CASR: variants seen among roughly 807,000 people sequenced by gnomAD.
The protein encoded by CASR is extracellular calcium-sensing receptor.
In CASR, 23 loss-of-function variants were observed where a neutral mutation model predicts 69.1. That is an observed-to-expected ratio of 0.33 (90% CI 0.24 to 0.47). The LOEUF is 0.47. Among genes scored for constraint, CASR ranks in the 20% least tolerant of loss-of-function variants. The pLI, the probability that CASR is intolerant of heterozygous loss-of-function variation, is 1.00. For synonymous variants in CASR, 541 were observed against 544.7 expected (o/e 0.99, Z 0.10); for missense variants, 924 against 1,356.1 (o/e 0.68, Z 5.00).
At chr3:122,212,059 T>C (rs761181634) in intron 1 of CASR, among the ~76,000 whole-genome samples, 2 of 152,214 alleles carry the variant, frequency 1.3e-5, no homozygotes, top group Non-Finnish European at 2.9e-5. Flanking sequence ...CATTACTGAG[T>C]ATATACCCAA....
intron 1 of CASR, among the ~76,000 whole-genome samples, chr3:122,235,999 T>C (rs2107611511): frequency 6.6e-6 from 1 of 152,342 alleles, no homozygotes; most frequent in South Asian, 2.1e-4. Flanking sequence ...TTCGTGTTTC[T>C]AACAAGTTCC....
chr3:122,227,568 TC>T (rs199781063), intron 1 of CASR, among the ~76,000 whole-genome samples: 1,523 of 152,100 alleles, frequency 0.01, 21 homozygotes, highest in African/African-American at 0.035. Flanking sequence ...CCTCCACACC[TC>T]CCTGCGAGCT....
At chr3:122,205,287 C>T (rs757736772) in intron 1 of CASR, among the ~76,000 whole-genome samples, 2 of 152,106 alleles carry the variant, frequency 1.3e-5, no homozygotes, top group Non-Finnish European at 2.9e-5. Flanking sequence ...CATTCTTCTG[C>T]ATATGGGAAG....
chr3:122,226,010 A>G (rs112430304), intron 1 of CASR, among the ~76,000 whole-genome samples: 24,875 of 152,196 alleles, frequency 0.16, 2,113 homozygotes, highest in Non-Finnish European at 0.18. Flanking sequence ...ACTGATAAGC[A>G]GGAGCTAAAC....
intron 1 of CASR, among the ~76,000 whole-genome samples, chr3:122,233,240 C>T (rs926722022): frequency 2.6e-5 from 4 of 152,218 alleles, no homozygotes; most frequent in African/African-American, 7.2e-5. Context: ...AACACCCTGT[C>T]GGTGAGACAC....
chr3:122,214,413 A>C (rs2074096934), intron 1 of CASR, among the ~76,000 whole-genome samples: 1 of 152,182 alleles, frequency 6.6e-6, no homozygotes, highest in Non-Finnish European at 1.5e-5. Context: ...GTCCAGAACC[A>C]TTGAACTAAC....
intron 4 of CASR, among the ~76,000 whole-genome samples, chr3:122,271,672 C>G (rs1424249684): frequency 6.6e-6 from 1 of 152,190 alleles, no homozygotes; most frequent in Non-Finnish European, 1.5e-5. Context: ...AATACATTCA[C>G]AGTTATGCAA....
In CASR at chr3:122,289,507, A is replaced by T. The variant is rs1430747071; in HGVS notation, c.*4316A>T. Reference sequence around the variant, plus strand: ...ACAGGAATAAAGGTGCATTCCAAGGATCCAAAGAAGAACCTTAGCCTTGAG... The same window carrying T: ...ACAGGAATAAAGGTGCATTCCAAGGTTCCAAAGAAGAACCTTAGCCTTGAG... On this transcript the variant is annotated 3_prime_UTR_variant, in exon 7 of 7. Transcript: ENST00000639785. 6.6e-6 allele frequency: 1 copy of T among 152,362 alleles called. No homozygotes were observed. Among genetic ancestry groups the T allele is most frequent in the African/African-American group, 2.4e-5 (1 of 41,470 alleles). 9.4% of individuals were successfully genotyped at this position (152,362 alleles called of 1,614,324 possible). A position where few individuals can be genotyped will look rare whatever the true frequency, so the allele number is the denominator to read the frequency against.
chr3:122,253,149 G>A (rs1039590841), intron 1 of CASR, among the ~76,000 whole-genome samples: 2 of 152,192 alleles, frequency 1.3e-5, no homozygotes, highest in Admixed American at 1.3e-4. Context: ...AAAAAAAGGA[G>A]ACTATCATAA....
At chr3:122,207,597 G>T (rs2074019898) in intron 1 of CASR, among the ~76,000 whole-genome samples, 1 of 151,870 alleles carries the variant, frequency 6.6e-6, no homozygotes, top group Non-Finnish European at 1.5e-5. Context: ...AAATTAAGAA[G>T]GACATTTTAA....
At chr3:122,246,341 G>A (rs556831103) in intron 1 of CASR, 1 of 82,204 alleles carries the variant, frequency 1.2e-5, no homozygotes, top group East Asian at 2.4e-4. Flanking sequence ...AAAAATGAAA[G>A]GTTTAATGTG....
chr3:122,213,359 G>A (rs1297793619), intron 1 of CASR, among the ~76,000 whole-genome samples: 4 of 152,044 alleles, frequency 2.6e-5, no homozygotes, highest in Admixed American at 6.6e-5. Context: ...CGTATTGTCC[G>A]TACCCACCCA....
Position 122,261,885 on chromosome 3 carries a change from G to T in CASR, c.850G>T (p.Val284Phe). The T allele has an allele frequency of 6.2e-7, 1 of 1,614,208 alleles. No individual in the cohort carries two copies. Among genetic ancestry groups the T allele is most frequent in the African/African-American group, 1.3e-5 (1 of 75,044 alleles). ...TCTTGAGCCCCTCATCAAGGAGATT[G>T]TCCGGCGCAATATCACGGGCAAGAT... ...PDLEPLIKEI[V>F]RRNITGKIWL... Residue 284 changes from valine (V) to phenylalanine (F), a missense_variant, in exon 4 of 7, where the codon GTC (valine) becomes TTC (phenylalanine). Coordinates refer to ENST00000639785, the MANE Select transcript of CASR (RefSeq NM_000388.4).
At chr3:122,236,997 T>A (rs1164925335) in intron 1 of CASR, among the ~76,000 whole-genome samples, 1 of 152,226 alleles carries the variant, frequency 6.6e-6, no homozygotes, top group African/African-American at 2.4e-5. Flanking sequence ...TAGATGTGAT[T>A]TTAGTTAACT....
rs983615006 is a variant in CASR at position 122,286,636 on chromosome 3, C to A, written c.*1445C>A. 6.6e-6 allele frequency: 1 copy of A among 152,246 alleles called. No individual in the cohort carries two copies. The highest frequency in any genetic ancestry group is 1.5e-5 in the Non-Finnish European group (1 of 68,044). The allele number at this position is 152,246 out of a possible 1,614,324, so 9.4% of individuals were successfully genotyped here. A position where few individuals can be genotyped will look rare whatever the true frequency, so the allele number is the denominator to read the frequency against. On this transcript the variant is annotated 3_prime_UTR_variant, in exon 7 of 7. Coordinates refer to ENST00000639785, the MANE Select transcript of CASR (RefSeq NM_000388.4). ...AAGCCCAAGAGCTCTGGGCCCAACACATGGGGTCAGCCATAGTATCACTGG... is the reference window on the plus strand; with the variant it reads ...AAGCCCAAGAGCTCTGGGCCCAACAAATGGGGTCAGCCATAGTATCACTGG...
chr3:122,252,207 G>T (rs1348129050), intron 1 of CASR, among the ~76,000 whole-genome samples: 1 of 151,496 alleles, frequency 6.6e-6, no homozygotes, highest in African/African-American at 2.4e-5. Flanking sequence ...GCAGAGGTGA[G>T]AGGACTGCTT....
intron 1 of CASR, among the ~76,000 whole-genome samples, chr3:122,185,254 A>G (rs1195759528): frequency 6.6e-6 from 1 of 152,016 alleles, no homozygotes; most frequent in African/African-American, 2.4e-5. Flanking sequence ...TCCTTTCTAC[A>G]CCCATAGCCT....
At chr3:122,190,381 T>C (rs954428779) in intron 1 of CASR, among the ~76,000 whole-genome samples, 11 of 152,202 alleles carry the variant, frequency 7.2e-5, no homozygotes, top group Admixed American at 2.6e-4. Context: ...TTTCCATTCA[T>C]CCTCATCTTT....
Position 122,275,993 on chromosome 3 carries a change from G to C in CASR, c.1559G>C (p.Arg520Thr). ...AACGTCTATGCCAAGAAGGGAGAAA[G>C]ACTCTTCATCAACGAGGAGAAAATC... ...YYNVYAKKGE[R>T]LFINEEKILW... Residue 520 changes from arginine (R) to threonine (T), a missense_variant, in exon 5 of 7, where the codon AGA becomes ACA. By Grantham distance (71) the Arg-to-Thr change is moderately conservative. Around this residue, in one of 8 missense-constraint regions of CASR, gnomAD observed 310 missense variants for 395.7 expected, o/e 0.78. Transcript: ENST00000639785. 6.2e-7 allele frequency: 1 copy of C among 1,614,006 alleles called. No individual in the cohort carries two copies. The highest frequency in any genetic ancestry group is 8.5e-7 in the Non-Finnish European group (1 of 1,179,870).
Sources: gnomAD v4.1 joint callset for allele counts (sites outside exome capture counted in the v4.1 genomes callset) on GRCh38, gnomAD v4.1.1 for gene constraint, gnomAD v4.1.1 regional missense constraint, MANE v1.5 for transcripts, NCBI Gene and HGNC (gene_info 2026-07-23, HGNC 2026-07-21) for gene names.